GAREM1: variants seen among roughly 807,000 people sequenced by gnomAD.
The protein encoded by GAREM1 is GRB2-associated and regulator of MAPK protein 1.
Under a neutral mutation model 71.3 loss-of-function variants are expected in GAREM1, and 26 were observed. That is an observed-to-expected ratio of 0.36 (90% CI 0.27 to 0.51). The LOEUF (loss-of-function observed/expected upper bound fraction) is 0.51, where lower values mean the gene tolerates loss of function less well. Ranked by LOEUF, GAREM1 falls within the 20% of genes least tolerant of loss-of-function variation. GAREM1 has a pLI of 0.95. For synonymous variants in GAREM1, 440 were observed against 433.2 expected (o/e 1.02, Z -0.20); for missense variants, 1,026 against 1,103.1 (o/e 0.93, Z 0.99).
At chr18:32,341,071 T>C (rs2047642735) in intron 2 of GAREM1, among the ~76,000 whole-genome samples, 1 of 152,188 alleles carries the variant, frequency 6.6e-6, no homozygotes, top group African/African-American at 2.4e-5. Context: ...GTTGGTGTGC[T>C]GCACCCATTA....
chr18:32,387,618 G>T (rs551928657), intron 2 of GAREM1, among the ~76,000 whole-genome samples: 2 of 152,116 alleles, frequency 1.3e-5, no homozygotes, highest in Non-Finnish European at 2.9e-5. Flanking sequence ...ATTCTCTCAG[G>T]ATCAATTATT....
intron 2 of GAREM1, among the ~76,000 whole-genome samples, chr18:32,364,392 C>T (rs577545471): frequency 7.9e-5 from 12 of 152,112 alleles, no homozygotes; most frequent in African/African-American, 2.4e-4. Flanking sequence ...TTCACCGCTC[C>T]GCCCCTACCC....
At chr18:32,391,869 A>AG (rs2048203358) in intron 2 of GAREM1, among the ~76,000 whole-genome samples, 1 of 152,202 alleles carries the variant, frequency 6.6e-6, no homozygotes, top group African/African-American at 2.4e-5. Flanking sequence ...TGAGAAGCTA[A>AG]GTAATCCCTG....
intron 2 of GAREM1, among the ~76,000 whole-genome samples, chr18:32,392,395 T>A (rs748373766): frequency 6.6e-6 from 1 of 152,166 alleles, no homozygotes; most frequent in Admixed American, 6.5e-5. Context: ...TTAACTAAAG[T>A]AGTGAGGGCA....
At chr18:32,359,514 C>T (rs2047841800) in intron 2 of GAREM1, among the ~76,000 whole-genome samples, 1 of 152,184 alleles carries the variant, frequency 6.6e-6, no homozygotes, top group Admixed American at 6.5e-5. Context: ...CTGTGCAATG[C>T]CCCCACTCCC....
At chr18:32,330,144 G>A (rs2047517442) in intron 2 of GAREM1, among the ~76,000 whole-genome samples, 1 of 152,004 alleles carries the variant, frequency 6.6e-6, no homozygotes, top group Non-Finnish European at 1.5e-5. Flanking sequence ...AAGAAAATGT[G>A]GTACATATAT....
chr18:32,387,107 G>A (rs2048155041), intron 2 of GAREM1, among the ~76,000 whole-genome samples: 1 of 143,084 alleles, frequency 7.0e-6, no homozygotes, highest in Non-Finnish European at 1.5e-5. Context: ...CAAGGGCCCC[G>A]AGACACCAGC....
Position 32,411,944 on chromosome 18 carries a change from CA to C in GAREM1, c.122-18910del, listed in dbSNP as rs949831218. Among the ~76,000 whole-genome samples the C allele has an allele frequency of 4.4e-3, 623 of 141,124 alleles. 3 individuals carry two copies. The highest frequency in any genetic ancestry group is 0.014 in the African/African-American group (524 of 38,570). 92.6% of individuals were successfully genotyped at this position (141,124 alleles called of 152,430 possible). ...CATTTAGCAATCAACAGCATGGGTG[CA>C]AAAAAAAAAAATCTACATTAAAACG... is the stretch of plus-strand genomic sequence containing the variant. On this transcript the variant is annotated intron_variant, in intron 1 of 5. Transcript: ENST00000269209.
intron 2 of GAREM1, among the ~76,000 whole-genome samples, chr18:32,342,431 T>C (rs1038293700): frequency 1.3e-5 from 2 of 152,238 alleles, no homozygotes; most frequent in African/African-American, 4.8e-5. Flanking sequence ...CCTTTTGGTA[T>C]GGCACACACA....
At chr18:32,404,930 T>C (rs1032549468) in intron 1 of GAREM1, among the ~76,000 whole-genome samples, 7 of 152,240 alleles carry the variant, frequency 4.6e-5, no homozygotes, top group African/African-American at 1.7e-4. Context: ...ACTGTTCTTA[T>C]GTCATAGCTA....
intron 2 of GAREM1, among the ~76,000 whole-genome samples, chr18:32,345,048 C>T (rs560894203): frequency 6.6e-6 from 1 of 152,008 alleles, no homozygotes; most frequent in African/African-American, 2.4e-5. Flanking sequence ...GGCGAAAGAG[C>T]AAGACTCAGT....
chr18:32,326,868 T>C (rs1330042242), intron 2 of GAREM1, among the ~76,000 whole-genome samples: 1 of 152,228 alleles, frequency 6.6e-6, no homozygotes, highest in Non-Finnish European at 1.5e-5. Flanking sequence ...GGTAGGATGG[T>C]TGCTCAGTAA....
chr18:32,409,988 T>C (rs2048401505), intron 1 of GAREM1, among the ~76,000 whole-genome samples: 1 of 152,210 alleles, frequency 6.6e-6, no homozygotes, highest in African/African-American at 2.4e-5. Flanking sequence ...ATAAGTCTGA[T>C]ACATCCAGTT....
chr18:32,415,009 T>TA (rs930303555), intron 1 of GAREM1, among the ~76,000 whole-genome samples: 5 of 151,584 alleles, frequency 3.3e-5, no homozygotes, highest in East Asian at 1.9e-4. Context: ...AAATTTGAAA[T>TA]AAAAAAAGGA....
At chr18:32,356,544 CATA>C (rs1473166640) in intron 2 of GAREM1, among the ~76,000 whole-genome samples, 4 of 152,142 alleles carry the variant, frequency 2.6e-5, no homozygotes, top group East Asian at 3.8e-4. Flanking sequence ...GTCCTAAATA[CATA>C]ATAATAACAA....
At chr18:32,275,624 T>G (rs983817655) in intron 4 of GAREM1, among the ~76,000 whole-genome samples, 2 of 152,194 alleles carry the variant, frequency 1.3e-5, no homozygotes. Flanking sequence ...AAAGCTTTTC[T>G]TCCCAGCTGC....
intron 4 of GAREM1, among the ~76,000 whole-genome samples, chr18:32,270,897 G>GTTTTTTTTTTTTTTTTTTTTTTTT (rs58914123): frequency 1.1e-5 from 1 of 92,596 alleles, no homozygotes. Context: ...GTTCAGGGAT[G>GTTTTTTTTTTTTTTTTTTTTTTTT]TTTTTTTTTT....
intron 2 of GAREM1, among the ~76,000 whole-genome samples, chr18:32,327,566 A>G (rs1326431175): frequency 1.3e-5 from 2 of 152,214 alleles, no homozygotes; most frequent in African/African-American, 4.8e-5. Context: ...ATGCATAACA[A>G]GAAAAGAATG....
rs189939616 is a variant in GAREM1 at position 32,466,171 on chromosome 18, T to C, written c.121+4137A>G. Among the ~76,000 whole-genome samples, 886 of 149,642 alleles carry C rather than the reference T, an allele frequency of 5.9e-3. 10 individuals carry two copies. Among genetic ancestry groups the C allele is most frequent in the African/African-American group, 0.021 (855 of 41,154 alleles). ...ACGAAATACTAGATTTCAATCTATA[T>C]ACTTTTTTTTTTGGTTACAGAGAGT... On this transcript the variant is annotated intron_variant, in intron 1 of 5. Transcript: ENST00000269209.
Sources: allele counts gnomAD v4.1 joint callset (sites outside exome capture counted in the v4.1 genomes callset), GRCh38; gene constraint gnomAD v4.1.1; transcripts MANE v1.5; gene names NCBI Gene and HGNC (gene_info 2026-07-23, HGNC 2026-07-21).